Variants in KITLG observed in about 807,000 individuals in gnomAD.
KITLG encodes KIT ligand.
KITLG carries 13 observed loss-of-function variants against 34.1 expected under a neutral mutation model. The ratio of observed to expected loss-of-function variants is 0.38; its 90% CI spans 0.25 to 0.61. The LOEUF (loss-of-function observed/expected upper bound fraction) is 0.61, where lower values mean the gene tolerates loss of function less well. KITLG is among the 20% of genes least tolerant of loss of function. The probability of loss-of-function intolerance (pLI) is 0.60; values close to 1 mark genes in which losing one functional copy is unlikely to be tolerated. For synonymous variants in KITLG, 110 were observed against 104.0 expected, an observed-to-expected ratio of 1.06 and a Z score of -0.35; for missense variants, 292 against 318.9, an observed-to-expected ratio of 0.92 and a Z score of 0.64.
chr12:88,513,870 C>CT (rs1392086996), intron 6 of KITLG, among the ~76,000 whole-genome samples: 2 of 151,534 alleles, frequency 1.3e-5, no homozygotes, highest in African/African-American at 4.8e-5. Flanking sequence ...AGACAAAAAG[C>CT]TTAATAAGGA....
rs1460370734 is a variant in KITLG, at chr12:88,493,673, T to G, written c.*3546A>C. The G allele has an allele frequency of 6.6e-6, 1 of 151,998 alleles. No individual in the cohort carries two copies. The highest frequency in any genetic ancestry group is 1.5e-5 in the Non-Finnish European group (1 of 67,872). 9.4% of individuals were successfully genotyped at this position (151,998 alleles called of 1,614,324 possible). A position where few individuals can be genotyped will look rare whatever the true frequency, so the allele number is the denominator to read the frequency against. ...TATCTTTTGGCATTCAAAACCTTCA[T>G]GAGCATTTTACATTTTCTGCTCTTA... is the stretch of plus-strand genomic sequence containing the variant. On this transcript the variant is annotated 3_prime_UTR_variant, in exon 10 of 10. Coordinates refer to ENST00000644744, the MANE Select transcript of KITLG (RefSeq NM_000899.5).
chr12:88,517,263 T>A (rs894629215), intron 4 of KITLG, among the ~76,000 whole-genome samples: 4 of 152,048 alleles, frequency 2.6e-5, no homozygotes, highest in South Asian at 2.1e-4. Flanking sequence ...ATAATAAAAA[T>A]GGTATGATTA....
chr12:88,529,744 C>G (rs984479998), intron 3 of KITLG, among the ~76,000 whole-genome samples: 1 of 152,116 alleles, frequency 6.6e-6, no homozygotes, highest in African/African-American at 2.4e-5. Context: ...TAATCAGAGG[C>G]CTCCCCACTG....
intron 1 of KITLG, among the ~76,000 whole-genome samples, chr12:88,556,260 C>T (rs926214596): frequency 6.7e-6 from 1 of 148,782 alleles, no homozygotes; most frequent in Non-Finnish European, 1.5e-5. Flanking sequence ...TATGCAGAGG[C>T]CCTCCTTGCT....
chr12:88,577,893 T>C (rs1051636393), intron 1 of KITLG, among the ~76,000 whole-genome samples: 4 of 152,184 alleles, frequency 2.6e-5, no homozygotes, highest in Non-Finnish European at 5.9e-5. Context: ...AATATTACTA[T>C]AAATTTTTTT....
chr12:88,559,951 A>C (rs1390191060), intron 1 of KITLG, among the ~76,000 whole-genome samples: 2 of 152,200 alleles, frequency 1.3e-5, no homozygotes, highest in Non-Finnish European at 2.9e-5. Context: ...TTCTGATAAC[A>C]ATATATGTCA....
chr12:88,498,608 C>T (rs1445378859), intron 9 of KITLG, among the ~76,000 whole-genome samples: 1 of 152,184 alleles, frequency 6.6e-6, no homozygotes, highest in Non-Finnish European at 1.5e-5. Context: ...GGCATGGTGG[C>T]TCACACCTGT....
intron 9 of KITLG, 53 bp from the exon 10 acceptor site, chr12:88,497,234 T>C (rs1343987966): frequency 5.4e-6 from 2 of 370,004 alleles, no homozygotes; most frequent in African/African-American, 2.2e-5. Context: ...TTCTGCCTTT[T>C]TAAAAATCTC....
intron 3 of KITLG, among the ~76,000 whole-genome samples, chr12:88,521,572 T>C (rs560706384): frequency 6.6e-6 from 1 of 152,256 alleles, no homozygotes; most frequent in East Asian, 1.9e-4. Context: ...ATGATATTCA[T>C]TAGAAGAAAG....
intron 3 of KITLG, among the ~76,000 whole-genome samples, chr12:88,530,306 ACT>A (rs1170529609): frequency 2.6e-5 from 4 of 151,946 alleles, no homozygotes. Flanking sequence ...TCTTTTTAAG[ACT>A]CTGTCACGTT....
At chr12:88,550,160 T>G (rs1870847329) in intron 1 of KITLG, among the ~76,000 whole-genome samples, 1 of 152,186 alleles carries the variant, frequency 6.6e-6, no homozygotes, top group African/African-American at 2.4e-5. Context: ...TTGAAGAGTT[T>G]TCCTTCAAAG....
intron 3 of KITLG, among the ~76,000 whole-genome samples, chr12:88,529,191 A>T (rs553158850): frequency 6.6e-6 from 1 of 152,310 alleles, no homozygotes; most frequent in Non-Finnish European, 1.5e-5. Flanking sequence ...TTTAAACTCA[A>T]ATATTACAAG....
intron 1 of KITLG, among the ~76,000 whole-genome samples, chr12:88,561,679 T>C (rs1412175002): frequency 6.6e-6 from 1 of 152,218 alleles, no homozygotes; most frequent in Non-Finnish European, 1.5e-5. Flanking sequence ...AATCAAGGCC[T>C]ACAGAGACCT....
chr12:88,578,682 C>T (rs1871910028), intron 1 of KITLG, among the ~76,000 whole-genome samples: 1 of 152,136 alleles, frequency 6.6e-6, no homozygotes, highest in Non-Finnish European at 1.5e-5. Flanking sequence ...GAGTGTTGGA[C>T]ATTAACCTTA....
At chr12:88,527,874 T>C (rs1003888652) in intron 3 of KITLG, among the ~76,000 whole-genome samples, 1 of 152,150 alleles carries the variant, frequency 6.6e-6, no homozygotes, top group African/African-American at 2.4e-5. Context: ...AGAAACACTT[T>C]TCTTAAAGGG....
At chr12:88,535,078 A>G (rs1261211893) in intron 2 of KITLG, among the ~76,000 whole-genome samples, 2 of 152,190 alleles carry the variant, frequency 1.3e-5, no homozygotes, top group East Asian at 1.9e-4. Flanking sequence ...ATACAAAAAT[A>G]CAATCAACTA....
intron 4 of KITLG, among the ~76,000 whole-genome samples, chr12:88,518,211 A>G (rs978980845): frequency 6.6e-6 from 1 of 152,166 alleles, no homozygotes; most frequent in Non-Finnish European, 1.5e-5. Context: ...TTTCTGGAGT[A>G]CATTGCCTAT....
chr12:88,545,988 G>A (rs745387906), intron 1 of KITLG, 123 bp from the exon 2 acceptor site: 2 of 747,206 alleles, frequency 2.7e-6, no homozygotes, highest in Non-Finnish European at 4.9e-6. Context: ...TGGCTTAAAT[G>A]CAATTAAATA....
chr12:88,537,198 G>A (rs138186427), intron 2 of KITLG, among the ~76,000 whole-genome samples: 14 of 151,926 alleles, frequency 9.2e-5, no homozygotes, highest in East Asian at 5.8e-4. Flanking sequence ...AGTACTATTC[G>A]CAATAGAAAG....
Sources: gnomAD v4.1 joint callset for allele counts (sites outside exome capture counted in the v4.1 genomes callset) on GRCh38, gnomAD v4.1.1 for gene constraint, MANE v1.5 for transcripts, NCBI Gene and HGNC (gene_info 2026-07-23, HGNC 2026-07-21) for gene names.